The following ENTPD1 variants were observed in gnomAD, a reference collection of about 807,000 sequenced individuals.
ENTPD1 encodes the protein ATP diphosphohydrolase.
ENTPD1 carries 33 observed loss-of-function variants against 57.0 expected under a neutral mutation model. The observed-to-expected ratio is 0.58, with a 90% CI of 0.44 to 0.77. The LOEUF (loss-of-function observed/expected upper bound fraction) is 0.77, where lower values mean the gene tolerates loss of function less well. ENTPD1 is among the 30% of genes least tolerant of loss of function. ENTPD1 has a pLI of 0.00. For missense variants in ENTPD1, 501 were observed against 603.4 expected (o/e 0.83, Z 1.78); for synonymous variants, 202 against 218.8 (o/e 0.92, Z 0.68).
At position 95,873,616 on chromosome 10, in the gene ENTPD1, A is replaced by C; in HGVS notation, c.*7233A>C. 4.1e-6 allele frequency: 4 copies of C among 985,434 alleles called. No homozygotes were observed. Among genetic ancestry groups the C allele is most frequent in the Non-Finnish European group, 3.6e-6 (3 of 829,934 alleles). 61.0% of individuals were successfully genotyped at this position (985,434 alleles called of 1,614,324 possible). The stretch of plus-strand genomic sequence containing the variant: ...GGTTTCTTATTACTCCTGTCTATGG[A>C]TGTTTCCTTCTGTCACTCTACTAGG... On this transcript the variant is annotated 3_prime_UTR_variant, in exon 10 of 10. Coordinates refer to ENST00000371205, the MANE Select transcript of ENTPD1 (RefSeq NM_001776.6).
intron 1 of ENTPD1, among the ~76,000 whole-genome samples, chr10:95,770,210 G>A (rs1337579712): frequency 1.3e-5 from 2 of 151,408 alleles, no homozygotes; most frequent in Non-Finnish European, 2.9e-5. Flanking sequence ...GATAGGAAGA[G>A]AAACCGTCCA....
chr10:95,755,930 A>G, upstream of ENTPD1: 1 of 1,487,156 alleles, frequency 6.7e-7, no homozygotes, highest in Middle Eastern at 2.1e-4. Flanking sequence ...AAGAAGGGAG[A>G]AAGAGAGAGA....
the ENTPD1 span, among the ~76,000 whole-genome samples, chr10:95,694,414 G>GCT: frequency 1.0e-5 from 1 of 100,174 alleles, no homozygotes; most frequent in African/African-American, 4.3e-5. Context: ...TCTAAATATG[G>GCT]CTTTTTTAAA....
At chr10:95,787,973 T>A (rs527851870) in intron 1 of ENTPD1, among the ~76,000 whole-genome samples, 1 of 152,326 alleles carries the variant, frequency 6.6e-6, no homozygotes, top group Non-Finnish European at 1.5e-5. Flanking sequence ...TTTACCTATA[T>A]ATTTATTGGA....
intron 1 of ENTPD1, among the ~76,000 whole-genome samples, chr10:95,764,515 G>A (rs758627919): frequency 2.0e-5 from 3 of 152,064 alleles, no homozygotes; most frequent in Non-Finnish European, 4.4e-5. Context: ...GCAATATATG[G>A]TGATTCCAAT....
intron 1 of ENTPD1, among the ~76,000 whole-genome samples, chr10:95,734,726 ATATGTCACACTGATTTT>A (rs1260136776): frequency 6.6e-6 from 1 of 152,226 alleles, no homozygotes; most frequent in East Asian, 1.9e-4. Flanking sequence ...TATGGTAGTC[ATATGTCACACTGATTTT>A]TATGTCACAA....
chr10:95,872,685 AAGGTAAT>A lies in ENTPD1; in HGVS notation c.*6305_*6311del, dbSNP rs2098481807. 1.0e-6 allele frequency: 1 copy of A among 985,184 alleles called. No individual in the cohort carries two copies. Among genetic ancestry groups the A allele is most frequent in the Non-Finnish European group, 1.2e-6 (1 of 829,932 alleles). 61.0% of individuals were successfully genotyped at this position (985,184 alleles called of 1,614,324 possible). ...GATTCAGGGATATTATCACGGACCT[AAGGTAAT>A]AGTTCTAGCCAACCTCCCTGTCCAC... is the stretch of plus-strand genomic sequence containing the variant. On this transcript the variant is annotated 3_prime_UTR_variant, in exon 10 of 10. Transcript: ENST00000371205.
At chr10:95,757,822 T>G (rs1396506508) in intron 1 of ENTPD1, among the ~76,000 whole-genome samples, 1 of 151,430 alleles carries the variant, frequency 6.6e-6, no homozygotes, top group Non-Finnish European at 1.5e-5. Flanking sequence ...CTGGCCAACA[T>G]GATGAAACCC....
chr10:95,697,762 C>T, the ENTPD1 span, among the ~76,000 whole-genome samples: 1 of 152,200 alleles, frequency 6.6e-6, no homozygotes, highest in East Asian at 1.9e-4. Context: ...GCCTCCACAA[C>T]TGTAAGAAAT....
intron 8 of ENTPD1, 38 bp from the exon 9 acceptor site, chr10:95,864,686 A>G: frequency 3.1e-6 from 5 of 1,613,822 alleles, no homozygotes; most frequent in Non-Finnish European, 4.2e-6. Flanking sequence ...AGAGGTGCCT[A>G]TCATACGAGT....
chr10:95,864,661 A>G, intron 8 of ENTPD1, 63 bp from the exon 9 acceptor site: 1 of 1,608,834 alleles, frequency 6.2e-7, no homozygotes, highest in South Asian at 1.1e-5. Context: ...CTAGTAGAGA[A>G]AAAGAGGGCC....
intron 7 of ENTPD1, among the ~76,000 whole-genome samples, chr10:95,854,125 A>G (rs2098450244): frequency 6.6e-6 from 1 of 152,202 alleles, no homozygotes; most frequent in South Asian, 2.1e-4. Context: ...TTATTGGTCT[A>G]TTCAGAGATT....
intron 6 of ENTPD1, 72 bp from the exon 7 acceptor site, chr10:95,847,370 TATTG>T: frequency 2.6e-6 from 4 of 1,560,018 alleles, no homozygotes; most frequent in South Asian, 1.1e-5. Context: ...AGTGCCTACA[TATTG>T]ATTAAGTCAG....
intron 2 of ENTPD1, among the ~76,000 whole-genome samples, chr10:95,828,217 T>C (rs546857017): frequency 1.3e-4 from 20 of 152,280 alleles, no homozygotes; most frequent in African/African-American, 4.3e-4. Flanking sequence ...TAGATTCTTA[T>C]AGGACCGCGA....
intron 1 of ENTPD1, among the ~76,000 whole-genome samples, chr10:95,770,767 TAGA>T (rs1179628193): frequency 6.6e-6 from 1 of 151,742 alleles, no homozygotes; most frequent in African/African-American, 2.4e-5. Flanking sequence ...TGGGGAGGAG[TAGA>T]AGATCACATT....
chr10:95,707,740 G>T (rs1370037319), upstream of ENTPD1, among the ~76,000 whole-genome samples: 1 of 152,156 alleles, frequency 6.6e-6, no homozygotes, highest in East Asian at 1.9e-4. Context: ...GAGTAGCTGG[G>T]ATTATAGGCA....
At chr10:95,866,076 T>C (rs949059507) in intron 9 of ENTPD1, 101 bp from the exon 10 acceptor site, 5 of 1,476,104 alleles carry the variant, frequency 3.4e-6, no homozygotes, top group Non-Finnish European at 3.7e-6. Context: ...GTGATTTATA[T>C]TGTTTGAACT....
intron 1 of ENTPD1, among the ~76,000 whole-genome samples, chr10:95,800,829 T>C (rs1430096121): frequency 1.3e-5 from 2 of 152,198 alleles, no homozygotes; most frequent in African/African-American, 4.8e-5. Context: ...TTTTTCAGGG[T>C]GCACTGATTT....
chr10:95,853,107 T>C lies in ENTPD1; in HGVS notation c.1074+5401T>C, dbSNP rs1370660594. 3.9e-5 allele frequency among the ~76,000 whole-genome samples: 6 copies of C among 152,220 alleles called. No homozygotes were observed. In the East Asian group the frequency reaches 1.2e-3, roughly 29 times the overall value. On this transcript the variant is annotated intron_variant, in intron 7 of 9. Transcript: ENST00000371205. ...TTGTTTGTATCCTCTTTTATTTCAT[T>C]GAGCAGTGGTTTGTAGTTCTCCTTG...
Sources: gnomAD v4.1 joint callset for allele counts (sites outside exome capture counted in the v4.1 genomes callset) on GRCh38, gnomAD v4.1.1 for gene constraint, MANE v1.5 for transcripts, NCBI Gene and HGNC (gene_info 2026-07-23, HGNC 2026-07-21) for gene names.